Variants in XCR1 observed in about 807,000 individuals in gnomAD.
XCR1 encodes the protein X-C motif chemokine receptor 1, also known as chemokine XC receptor 1.
For synonymous variants in XCR1, 187 were observed against 188.5 expected, an observed-to-expected ratio of 0.99 and a Z score of 0.06; for missense variants, 356 against 424.2, an observed-to-expected ratio of 0.84 and a Z score of 1.41.
At chr3:46,083,701 T>G (rs1487218606) in intron 1 of XCR1, among the ~76,000 whole-genome samples, 1 of 152,216 alleles carries the variant, frequency 6.6e-6, no homozygotes, top group Non-Finnish European at 1.5e-5. Context: ...CTGACTAAGG[T>G]TGTGCTAGAC....
At chr3:46,062,623 C>A (rs1203977567) in intron 4 of XCR1, among the ~76,000 whole-genome samples, 2 of 152,342 alleles carry the variant, frequency 1.3e-5, no homozygotes, top group Non-Finnish European at 2.9e-5. Flanking sequence ...GGGAATTTTC[C>A]CCAATAGTTC....
chr3:46,083,789 C>T (rs1165795824), intron 1 of XCR1, among the ~76,000 whole-genome samples: 1 of 152,160 alleles, frequency 6.6e-6, no homozygotes, highest in African/African-American at 2.4e-5. Context: ...GTTGTATATA[C>T]ATAAGTATTT....
intron 4 of XCR1, among the ~76,000 whole-genome samples, chr3:46,062,269 G>A (rs1697976897): frequency 1.3e-5 from 2 of 152,126 alleles, no homozygotes; most frequent in South Asian, 4.1e-4. Flanking sequence ...TGTCCTTCAG[G>A]AGACCCTGCT....
At chr3:46,041,899 C>A (rs1697542828) in intron 5 of XCR1, among the ~76,000 whole-genome samples, 1 of 152,158 alleles carries the variant, frequency 6.6e-6, no homozygotes, top group South Asian at 2.1e-4. Flanking sequence ...CTATATAAAC[C>A]CCCTAGTTTT....
rs912893047 is a variant in XCR1, at chr3:46,018,837, T to C, written c.*2109A>G. The C allele has an allele frequency of 6.6e-6, 1 of 152,246 alleles. No homozygotes were observed. The highest frequency in any genetic ancestry group is 6.5e-5 in the Admixed American group (1 of 15,292). The allele number at this position is 152,246 out of a possible 1,614,324, so 9.4% of individuals were successfully genotyped here. ...CAATAACAAGATATTGAGTGTCTTC[T>C]GTGTGCAAATCCCTGCTCAAGGGAC... On this transcript the variant is annotated 3_prime_UTR_variant, in exon 2 of 2. Transcript: ENST00000309285.
chr3:46,038,217 T>C (rs956099192), intron 5 of XCR1, among the ~76,000 whole-genome samples: 1 of 151,878 alleles, frequency 6.6e-6, no homozygotes, highest in Non-Finnish European at 1.5e-5. Context: ...GGGGTTTCAC[T>C]ATGTTGGCCA....
rs1708089761 is a variant in XCR1, at chr3:46,018,847, T to A, written c.*2099A>T. On this transcript the variant is annotated 3_prime_UTR_variant, in exon 2 of 2. Transcript: ENST00000309285. The stretch of plus-strand genomic sequence containing the variant: ...ATATTGAGTGTCTTCTGTGTGCAAA[T>A]CCCTGCTCAAGGGACTGTAGAAGAC... 6.6e-6 allele frequency: 1 copy of A among 152,190 alleles called. No homozygotes were observed. The highest frequency in any genetic ancestry group is 6.5e-5 in the Admixed American group (1 of 15,284). 9.4% of individuals were successfully genotyped at this position (152,190 alleles called of 1,614,324 possible).
chr3:46,046,985 G>T (rs1053154183), intron 5 of XCR1, among the ~76,000 whole-genome samples: 2 of 152,184 alleles, frequency 1.3e-5, no homozygotes, highest in Admixed American at 6.5e-5. Flanking sequence ...TGATTAAAAT[G>T]ACAACGCAAT....
At position 46,040,947 on chromosome 3, in the gene XCR1, A is replaced by G. The variant is rs542156377; in HGVS notation, c.-32+12973T>C. Among the ~76,000 whole-genome samples the G allele has an allele frequency of 1.1e-4, 16 of 152,308 alleles. No homozygotes were observed. In the East Asian group the frequency reaches 3.1e-3, roughly 29 times the overall value. On this transcript the variant is annotated intron_variant, in intron 5 of 5. Transcript: ENST00000683768. ...ATTGCATGGATCAAACTAATGGAGG[A>G]CTAAAATATTTTTTATGGCTTTTTT...
intron 5 of XCR1, among the ~76,000 whole-genome samples, chr3:46,038,047 A>ATTTT (rs1697469400): frequency 1.2e-5 from 1 of 83,950 alleles, no homozygotes; most frequent in Admixed American, 1.1e-4. Flanking sequence ...TTTTTTTTTG[A>ATTTT]GAGGGAGTCT....
At chr3:46,023,376 C>G in intron 1 of XCR1, 4 of 1,441,044 alleles carry the variant, frequency 2.8e-6, no homozygotes, top group Non-Finnish European at 3.9e-6. Context: ...CAGGCAAATA[C>G]GAAGAGGCGA....
chr3:46,059,909 C>T (rs1385481011), intron 4 of XCR1, among the ~76,000 whole-genome samples: 3 of 152,186 alleles, frequency 2.0e-5, no homozygotes, highest in Non-Finnish European at 4.4e-5. Flanking sequence ...TTGTGCTAAC[C>T]TTTTCCCTGG....
chr3:46,021,902 C>A lies in XCR1; in HGVS notation c.46G>T (p.Asp16Tyr). 1.2e-6 allele frequency: 2 copies of A among 1,613,392 alleles called. No homozygotes were observed. Among genetic ancestry groups the A allele is most frequent in the South Asian group, 2.2e-5 (2 of 90,940 alleles). ...TTCTCACACGGCTGGCTCTGAAGGT[C>A]ATAGTAAAAAAAGGTGGTGCTCTCT... ...NPESTTFFYY[D>Y]LQSQPCENQA... is the part of the protein sequence containing the mutation. The change falls in exon 2 of 2, where the codon GAC becomes TAC. Residue 16 changes from aspartate to tyrosine, a missense_variant. By Grantham distance (160) the Asp-to-Tyr change is radical (BLOSUM62 -3). Transcript: ENST00000309285. The surrounding 1 kb of genome is among the most constrained non-coding windows in gnomAD (Gnocchi z 4.7).
intron 3 of XCR1, among the ~76,000 whole-genome samples, chr3:46,071,952 C>G (rs1698171877): frequency 6.6e-6 from 1 of 152,026 alleles, no homozygotes; most frequent in Non-Finnish European, 1.5e-5. Flanking sequence ...TACTGGAAGT[C>G]CTAGCCAGAG....
chr3:46,045,541 G>GA (rs1426039592), intron 5 of XCR1, among the ~76,000 whole-genome samples: 2 of 152,026 alleles, frequency 1.3e-5, no homozygotes, highest in African/African-American at 4.8e-5. Context: ...TATAGATACA[G>GA]AAAAAAGCAT....
intron 5 of XCR1, among the ~76,000 whole-genome samples, chr3:46,053,048 T>C (rs4321566): frequency 0.82 from 125,339 of 152,164 alleles, 52,255 homozygotes; most frequent in East Asian, 0.99. Context: ...TCCAGCAGCA[T>C]GGTTCTATCC....
At chr3:46,050,581 T>C (rs1697721128) in intron 5 of XCR1, among the ~76,000 whole-genome samples, 2 of 152,188 alleles carry the variant, frequency 1.3e-5, no homozygotes, top group South Asian at 4.1e-4. Flanking sequence ...AAATGAATGA[T>C]ATACGCAGTG....
intron 1 of XCR1, among the ~76,000 whole-genome samples, chr3:46,078,553 T>G (rs1306512376): frequency 6.6e-6 from 1 of 152,120 alleles, no homozygotes; most frequent in Admixed American, 6.6e-5. Flanking sequence ...GGGAACAGCG[T>G]TTTTTCACCT....
intron 5 of XCR1, among the ~76,000 whole-genome samples, chr3:46,035,288 C>A (rs1033969959): frequency 6.6e-6 from 1 of 152,176 alleles, no homozygotes; most frequent in African/African-American, 2.4e-5. Context: ...TGTTACATTT[C>A]TTCTCTGCTA....
Sources: gnomAD v4.1 joint callset for allele counts (sites outside exome capture counted in the v4.1 genomes callset) on GRCh38, gnomAD v4.1.1 for gene constraint, Gnocchi (gnomAD v3.1) non-coding constraint, MANE v1.5 for transcripts, NCBI Gene and HGNC (gene_info 2026-07-23, HGNC 2026-07-21) for gene names.